RBM28: variants seen among roughly 807,000 people sequenced by gnomAD.
RBM28 encodes the protein RNA-binding protein 28.
Under a neutral mutation model 98.3 loss-of-function variants are expected in RBM28, and 78 were observed. That is an observed-to-expected ratio of 0.79 (90% CI 0.66 to 0.96). RBM28 has a LOEUF of 0.96. Ranked by LOEUF, RBM28 falls within the 40% of genes least tolerant of loss-of-function variation. The pLI is 0.00. For missense variants in RBM28, 838 were observed against 913.0 expected (o/e 0.92, Z 1.06); for synonymous variants, 306 against 330.9 (o/e 0.92, Z 0.82).
Position 128,325,872 on chromosome 7 carries a change from G to A in RBM28, c.1149C>T (p.Phe383=), listed in dbSNP as rs1796338797. Residue 383 remains phenylalanine (F), a synonymous_variant, in exon 11 of 19, where the codon TTC becomes TTT. Coordinates refer to ENST00000223073, the MANE Select transcript of RBM28 (RefSeq NM_018077.3). ...ATTTCTGAGCTGCTTCTTGAGTCAT[G>A]AACTGGGCAAATGCACAACCTGCAC... ...EHSKGCAFAQ[F]MTQEAAQKCL... is the part of the protein sequence containing the mutation. 3 of 1,613,720 alleles carry A rather than the reference G, an allele frequency of 1.9e-6. No homozygotes were observed. In the East Asian group the frequency reaches 6.7e-5, roughly 36 times the overall value.
At chr7:128,333,217 C>T (rs908938935) in intron 9 of RBM28, 73 bp downstream of exon 9, 14 of 1,268,916 alleles carry the variant, frequency 1.1e-5, no homozygotes, top group Non-Finnish European at 1.6e-5. Flanking sequence ...GAACTAGTGC[C>T]AAAAAGAGAA....
At chr7:128,314,627 A>T in intron 17 of RBM28, 137 bp downstream of exon 17, 1 of 1,423,250 alleles carries the variant, frequency 7.0e-7, no homozygotes, top group Non-Finnish European at 9.8e-7. Flanking sequence ...CTCGCGTGTT[A>T]ACCCCATGTG....
chr7:128,301,962 G>A lies in RBM28; in HGVS notation c.*8835C>T, dbSNP rs1795787402. The A allele has an allele frequency of 6.6e-6, 1 of 152,192 alleles. No homozygotes were observed. Among genetic ancestry groups the A allele is most frequent in the African/African-American group, 2.4e-5 (1 of 41,434 alleles). 9.4% of individuals were successfully genotyped at this position (152,192 alleles called of 1,614,324 possible). A position where few individuals can be genotyped will look rare whatever the true frequency, so the allele number is the denominator to read the frequency against. On this transcript the variant is annotated 3_prime_UTR_variant, in exon 19 of 19. Transcript: ENST00000223073. Reference sequence around the variant, plus strand: ...TGCAAGAGGTGCTTGGAGCAAACAGGGAGTGTCCTGTCACTGAAGGTCTGC... The same window carrying A: ...TGCAAGAGGTGCTTGGAGCAAACAGAGAGTGTCCTGTCACTGAAGGTCTGC...
At position 128,310,370 on chromosome 7, in the gene RBM28, A is replaced by C. The variant is rs891767095; in HGVS notation, c.*427T>G. The C allele has an allele frequency of 3.8e-6, 1 of 264,804 alleles. No individual in the cohort carries two copies. Among genetic ancestry groups the C allele is most frequent in the African/African-American group, 2.3e-5 (1 of 44,362 alleles). 16.4% of individuals were successfully genotyped at this position (264,804 alleles called of 1,614,324 possible). A position where few individuals can be genotyped will look rare whatever the true frequency, so the allele number is the denominator to read the frequency against. On this transcript the variant is annotated 3_prime_UTR_variant, in exon 19 of 19. Transcript: ENST00000223073. ...TGTCAAAGAATGTTCATACATAATAAAGGAGTCACACATATTAGAAATGAC... is the reference window on the plus strand; with the variant it reads ...TGTCAAAGAATGTTCATACATAATACAGGAGTCACACATATTAGAAATGAC...
At position 128,318,105 on chromosome 7, in the gene RBM28, C is replaced by T; in HGVS notation, c.1565G>A (p.Cys522Tyr). ...SGEKGVRIKECRVMRDLKGVH... is the reference protein window; with the variant it reads ...SGEKGVRIKEYRVMRDLKGVH... ...TCCTTTGAGGTCTCGCATCACTCTA[C>T]ACTATGAGTAGAGCAAGAAAAAAAT... The change falls in exon 15 of 19, where the codon TGT becomes TAT. Residue 522 changes from cysteine (C) to tyrosine (Y), a missense_variant and splice_region_variant. Cys to Tyr is a radical substitution (Grantham distance 194). Transcript: ENST00000223073. The T allele has an allele frequency of 6.2e-7, 1 of 1,610,798 alleles. No individual in the cohort carries two copies. Among genetic ancestry groups the T allele is most frequent in the Non-Finnish European group, 8.5e-7 (1 of 1,176,966 alleles).
At chr7:128,330,457 T>A (rs188374566) in intron 10 of RBM28, among the ~76,000 whole-genome samples, 1 of 145,220 alleles carries the variant, frequency 6.9e-6, no homozygotes, top group East Asian at 2.2e-4. Flanking sequence ...TCTCGGCTCA[T>A]TGCAACCTCC....
chr7:128,334,404 C>T (rs1450939504), intron 8 of RBM28, among the ~76,000 whole-genome samples: 1 of 152,156 alleles, frequency 6.6e-6, no homozygotes, highest in Non-Finnish European at 1.5e-5. Flanking sequence ...TTGTAGAATA[C>T]AGGATCTCAG....
rs535201001 is a variant in RBM28 at position 128,317,872 on chromosome 7, T to C, written c.1713+85A>G. 9.4e-5 allele frequency: 149 copies of C among 1,578,334 alleles called. No individual in the cohort carries two copies. The African/African-American group carries it at 1.8e-3, about 20-fold the overall frequency. On this transcript the variant is annotated intron_variant, in intron 15 of 18. Transcript: ENST00000223073. The stretch of plus-strand genomic sequence containing the variant: ...GCCACTGTTTCCCACCCCTCAAATG[T>C]CAGAGGACACTAGGCATAAAGGAGA...
intron 10 of RBM28, among the ~76,000 whole-genome samples, chr7:128,330,335 A>G (rs1459764524): frequency 7.0e-6 from 1 of 143,088 alleles, no homozygotes; most frequent in Non-Finnish European, 1.5e-5. Flanking sequence ...AAAGATGCTG[A>G]GTGTGACACC....
At chr7:128,337,429 C>G (rs1406242558) in intron 5 of RBM28, among the ~76,000 whole-genome samples, 1 of 152,096 alleles carries the variant, frequency 6.6e-6, no homozygotes, top group East Asian at 1.9e-4. Context: ...AGCCACCACA[C>G]CTGGGATAAG....
At chr7:128,338,205 A>G (rs1338953686) in intron 5 of RBM28, 45 bp downstream of exon 5, 1 of 1,459,734 alleles carries the variant, frequency 6.9e-7, no homozygotes, top group Admixed American at 1.7e-5. Context: ...ATTCACCAAA[A>G]CACCAGAAAT....
At chr7:128,319,561 A>G (rs572429110) in intron 14 of RBM28, among the ~76,000 whole-genome samples, 1 of 152,320 alleles carries the variant, frequency 6.6e-6, no homozygotes, top group Admixed American at 6.5e-5. Context: ...GTTTTCAGGG[A>G]TTAGGAAAAC....
chr7:128,327,344 A>C (rs1171930281), intron 10 of RBM28, among the ~76,000 whole-genome samples: 1 of 152,160 alleles, frequency 6.6e-6, no homozygotes, highest in African/African-American at 2.4e-5. Context: ...TTCTCAGAGT[A>C]AAAGTCTCTG....
At chr7:128,326,686 C>G (rs1643863339) in intron 10 of RBM28, among the ~76,000 whole-genome samples, 2 of 152,298 alleles carry the variant, frequency 1.3e-5, no homozygotes, top group South Asian at 2.1e-4. Context: ...GTATCCCCAT[C>G]ATTAAGTGAC....
At chr7:128,336,343 T>G (rs1284982585) in intron 6 of RBM28, among the ~76,000 whole-genome samples, 1 of 152,200 alleles carries the variant, frequency 6.6e-6, no homozygotes, top group Non-Finnish European at 1.5e-5. Flanking sequence ...CATTCGTACA[T>G]CATAGCCAGC....
intron 9 of RBM28, among the ~76,000 whole-genome samples, chr7:128,331,198 C>T (rs1319503639): frequency 6.6e-6 from 1 of 152,136 alleles, no homozygotes; most frequent in African/African-American, 2.4e-5. Context: ...GTGCCCCCCA[C>T]TAGGGAAACT....
rs1208188477 is a variant in RBM28 at position 128,300,341 on chromosome 7, G to A, written c.*10456C>T. 1 of 152,242 alleles carries A rather than the reference G, an allele frequency of 6.6e-6. No homozygotes were observed. Among genetic ancestry groups the A allele is most frequent in the African/African-American group, 2.4e-5 (1 of 41,432 alleles). The allele number at this position is 152,242 out of a possible 1,614,324, so 9.4% of individuals were successfully genotyped here. ...CTGAGCAGGGAAGGGTTAGAACCCA[G>A]CGTGGATCAAACATTTGAGATGAAT... is the stretch of plus-strand genomic sequence containing the variant. On this transcript the variant is annotated 3_prime_UTR_variant, in exon 19 of 19. Coordinates refer to ENST00000223073, the MANE Select transcript of RBM28 (RefSeq NM_018077.3).
Position 128,333,413 on chromosome 7 carries a change from T to A in RBM28, c.947-51A>T, listed in dbSNP as rs1296667590. 2.8e-6 allele frequency: 4 copies of A among 1,417,222 alleles called. 1 individual carries two copies. Among genetic ancestry groups the A allele is most frequent in the Middle Eastern group, 1.8e-4 (1 of 5,712 alleles). 87.8% of individuals were successfully genotyped at this position (1,417,222 alleles called of 1,614,324 possible). Reference sequence around the variant, plus strand: ...CTGAAAGAGATTAGTGTAAGCCACATGACAAAGAGCTAACTTCTTAAGTAC... The same window carrying A: ...CTGAAAGAGATTAGTGTAAGCCACAAGACAAAGAGCTAACTTCTTAAGTAC... On this transcript the variant is annotated intron_variant, in intron 8 of 18. Transcript: ENST00000223073.
At chr7:128,317,880 C>T in intron 15 of RBM28, 77 bp downstream of exon 15, 1 of 1,582,506 alleles carries the variant, frequency 6.3e-7, no homozygotes, top group Non-Finnish European at 8.7e-7. Context: ...TGTCAGAGGA[C>T]ACTAGGCATA....
Sources: gnomAD v4.1 joint callset for allele counts (sites outside exome capture counted in the v4.1 genomes callset) on GRCh38, gnomAD v4.1.1 for gene constraint, MANE v1.5 for transcripts, NCBI Gene and HGNC (gene_info 2026-07-23, HGNC 2026-07-21) for gene names.